Variants in UBAC2 observed in about 807,000 individuals in gnomAD.
The protein encoded by UBAC2 is UBA domain containing 2.
UBAC2 carries 26 observed loss-of-function variants against 44.0 expected under a neutral mutation model. That is an observed-to-expected ratio of 0.59 (90% CI 0.43 to 0.82). UBAC2 has a LOEUF of 0.82. Among genes scored for constraint, UBAC2 ranks in the 40% least tolerant of loss-of-function variants. UBAC2 has a pLI of 0.00. For missense variants in UBAC2, 329 were observed against 419.4 expected (o/e 0.78, Z 1.88); for synonymous variants, 155 against 154.3 (o/e 1.00, Z -0.04).
In UBAC2 at chr13:99,290,302, G is replaced by C. The variant is rs183612448; in HGVS notation, c.390-23795G>C. ...AGCAAGTATTTATTATTGTTAATCTGCTGGCTTCTGGTACAGCATCCTAAA... is the reference window on the plus strand; with the variant it reads ...AGCAAGTATTTATTATTGTTAATCTCCTGGCTTCTGGTACAGCATCCTAAA... On this transcript the variant is annotated intron_variant, in intron 4 of 8. Coordinates refer to ENST00000403766, the MANE Select transcript of UBAC2 (RefSeq NM_001144072.2). Among the ~76,000 whole-genome samples the C allele has an allele frequency of 2.8e-4, 42 of 152,334 alleles. No homozygotes were observed. The South Asian group carries it at 8.5e-3, about 31-fold the overall frequency.
At position 99,273,620 on chromosome 13, in the gene UBAC2, G is replaced by A. The variant is rs529848943; in HGVS notation, c.389+28996G>A. ...CAGTGTGGCTGTTGATGAATTTAGT[G>A]TTGATCTGATTATTAATACTTTGTG... On this transcript the variant is annotated intron_variant, in intron 4 of 8. Transcript: ENST00000403766. Among the ~76,000 whole-genome samples, 14 of 152,226 alleles carry A rather than the reference G, an allele frequency of 9.2e-5. No homozygotes were observed. The South Asian group carries it at 2.1e-3, about 23-fold the overall frequency.
intron 1 of UBAC2, among the ~76,000 whole-genome samples, chr13:99,208,360 C>T (rs565646324): frequency 1.2e-4 from 18 of 152,270 alleles, no homozygotes; most frequent in Middle Eastern, 3.4e-3. Context: ...AGCTGTCAGG[C>T]CTTGTGACTT....
At chr13:99,213,112 C>G (rs7998125) in intron 1 of UBAC2, among the ~76,000 whole-genome samples, 1 of 151,812 alleles carries the variant, frequency 6.6e-6, no homozygotes, top group African/African-American at 2.4e-5. Flanking sequence ...ATACATATAC[C>G]TATACATTTG....
intron 6 of UBAC2, among the ~76,000 whole-genome samples, chr13:99,331,020 T>C (rs1469953021): frequency 6.6e-6 from 1 of 152,244 alleles, no homozygotes; most frequent in Non-Finnish European, 1.5e-5. Flanking sequence ...TGCTAGAGAC[T>C]CTAGTTGCCT....
At chr13:99,293,318 T>C (rs1246508132) in intron 4 of UBAC2, among the ~76,000 whole-genome samples, 1 of 152,178 alleles carries the variant, frequency 6.6e-6, no homozygotes, top group Non-Finnish European at 1.5e-5. Context: ...CAGAGAGGAC[T>C]CTTGCCTACC....
intron 8 of UBAC2, among the ~76,000 whole-genome samples, chr13:99,368,291 T>C (rs955991635): frequency 3.3e-5 from 5 of 152,188 alleles, no homozygotes; most frequent in African/African-American, 1.2e-4. Flanking sequence ...GTTAATGTTT[T>C]ACATATTCAA....
chr13:99,375,292 C>T (rs1328864703), intron 8 of UBAC2, among the ~76,000 whole-genome samples: 2 of 150,612 alleles, frequency 1.3e-5, no homozygotes, highest in Non-Finnish European at 2.9e-5. Context: ...GAGGGGGGAT[C>T]TGCAGTTCTC....
intron 4 of UBAC2, among the ~76,000 whole-genome samples, chr13:99,292,610 A>G (rs116689578): frequency 0.01 from 1,582 of 152,210 alleles, 32 homozygotes; most frequent in African/African-American, 0.037. Context: ...AGCTCTTCAC[A>G]TATACATGAT....
At chr13:99,306,210 T>C (rs1015405845) in intron 4 of UBAC2, among the ~76,000 whole-genome samples, 12 of 152,172 alleles carry the variant, frequency 7.9e-5, no homozygotes, top group African/African-American at 2.4e-4. Context: ...TCAGGGTCTT[T>C]ATGTAAAATA....
intron 8 of UBAC2, among the ~76,000 whole-genome samples, chr13:99,380,171 A>G (rs1312437149): frequency 6.6e-6 from 1 of 152,208 alleles, no homozygotes; most frequent in Non-Finnish European, 1.5e-5. Context: ...CCATGTTGGT[A>G]CTCAAAAAGT....
chr13:99,363,520 G>A (rs2045292758), intron 7 of UBAC2, among the ~76,000 whole-genome samples: 1 of 152,240 alleles, frequency 6.6e-6, no homozygotes, highest in Non-Finnish European at 1.5e-5. Context: ...AGGCCGGCGG[G>A]GCAGTGTCCT....
At chr13:99,348,963 CAAAAAG>C (rs1287239445) in intron 7 of UBAC2, among the ~76,000 whole-genome samples, 1 of 151,774 alleles carries the variant, frequency 6.6e-6, no homozygotes, top group Non-Finnish European at 1.5e-5. Flanking sequence ...AATCACGGCT[CAAAAAG>C]AAAAAGAAAA....
At chr13:99,315,276 T>C (rs918525929) in intron 5 of UBAC2, among the ~76,000 whole-genome samples, 13 of 152,170 alleles carry the variant, frequency 8.5e-5, no homozygotes, top group Admixed American at 5.2e-4. Context: ...TAGGATTTGC[T>C]ATAGCAGATT....
intron 4 of UBAC2, among the ~76,000 whole-genome samples, chr13:99,306,322 A>G (rs2044334448): frequency 6.6e-6 from 1 of 152,172 alleles, no homozygotes; most frequent in South Asian, 2.1e-4. Flanking sequence ...AATGAGAGGC[A>G]ATGTTGTAAG....
chr13:99,360,578 G>A (rs977949850), intron 7 of UBAC2, among the ~76,000 whole-genome samples: 1 of 152,162 alleles, frequency 6.6e-6, no homozygotes, highest in African/African-American at 2.4e-5. Flanking sequence ...TTATTCCTTA[G>A]CATTGCTTTG....
At chr13:99,318,820 T>TA (rs2044529853) in intron 6 of UBAC2, among the ~76,000 whole-genome samples, 14 of 40,360 alleles carry the variant, frequency 3.5e-4, no homozygotes, top group African/African-American at 1.0e-3. Flanking sequence ...AGACTCCATC[T>TA]CAAAAAAAAA....
In UBAC2 at chr13:99,359,936, C is replaced by G. The variant is rs368934456; in HGVS notation, c.808-7851C>G. On this transcript the variant is annotated intron_variant, in intron 7 of 8. Coordinates refer to ENST00000403766, the MANE Select transcript of UBAC2 (RefSeq NM_001144072.2). ...TGCTGTGTGCTTCACACTTCAAAAC[C>G]TGGCATGCTGATAAAGGCTTTCTGA... Among the ~76,000 whole-genome samples the G allele has an allele frequency of 1.4e-3, 213 of 152,318 alleles. 2 individuals are homozygous for G. The highest frequency in any genetic ancestry group is 4.9e-3 in the African/African-American group (204 of 41,572).
Position 99,367,726 on chromosome 13 carries a change from C to T in UBAC2, c.808-61C>T. ...TAACTGCATTGAGAGAAAGCTCTTC[C>T]AAGCATTATGATGATTCTGCTCCTT... On this transcript the variant is annotated intron_variant, in intron 7 of 8. Transcript: ENST00000403766. 2.5e-6 allele frequency: 4 copies of T among 1,608,910 alleles called. No homozygotes were observed. The South Asian group carries it at 4.4e-5, about 18-fold the overall frequency.
chr13:99,343,604 T>C (rs1467713611), intron 7 of UBAC2, among the ~76,000 whole-genome samples: 1 of 152,240 alleles, frequency 6.6e-6, no homozygotes, highest in Non-Finnish European at 1.5e-5. Flanking sequence ...CCTGGGCTCT[T>C]GCTGGGCTTT....
Sources: allele counts gnomAD v4.1 joint callset (sites outside exome capture counted in the v4.1 genomes callset), GRCh38; gene constraint gnomAD v4.1.1; transcripts MANE v1.5; gene names NCBI Gene and HGNC (gene_info 2026-07-23, HGNC 2026-07-21).